Variants in GTF2A2 observed in about 807,000 individuals in gnomAD.
GTF2A2 encodes the protein general transcription factor IIA subunit 2.
A neutral mutation model predicts 14.3 loss-of-function variants in GTF2A2; 9 were observed. The ratio of observed to expected loss-of-function variants is 0.63; its 90% CI spans 0.38 to 1.10. GTF2A2 has a LOEUF of 1.10. GTF2A2 is among the 50% of genes least tolerant of loss of function. GTF2A2 has a pLI of 0.01. For synonymous variants in GTF2A2, 56 were observed against 46.0 expected (o/e 1.22, Z -0.88); for missense variants, 90 against 124.6 (o/e 0.72, Z 1.32).
chr15:59,657,009 T>C (rs1349788036), intron 1 of GTF2A2: 3 of 152,376 alleles, frequency 2.0e-5, no homozygotes, highest in East Asian at 1.9e-4. Context: ...CGAAGAAAGT[T>C]GGAAGGCAGA....
Position 59,641,075 on chromosome 15 carries a change from T to G in GTF2A2, c.304+1061A>C, listed in dbSNP as rs559623086. 7.9e-5 allele frequency among the ~76,000 whole-genome samples: 12 copies of G among 152,208 alleles called. No individual in the cohort carries two copies. In the South Asian group the frequency reaches 2.1e-3, roughly 26 times the overall value. ...TTATATAGCTACTAAAAATCAGGCT[T>G]AAGTGCAGGGGCTCACGCCTGTAAT... On this transcript the variant is annotated intron_variant, in intron 4 of 4. Coordinates refer to ENST00000396060, the MANE Select transcript of GTF2A2 (RefSeq NM_004492.3).
chr15:59,638,191 A>C lies in GTF2A2; in HGVS notation c.*941T>G, dbSNP rs961295987. ...AGTACTGGGATTACTTACAGGTGTG[A>C]GCCACCAGTACCTAGCCAAAGTTAG... On this transcript the variant is annotated 3_prime_UTR_variant, in exon 5 of 5. Transcript: ENST00000396060. 7.2e-5 allele frequency: 11 copies of C among 152,184 alleles called. No homozygotes were observed. Among genetic ancestry groups the C allele is most frequent in the African/African-American group, 2.7e-4 (11 of 41,446 alleles). The allele number at this position is 152,184 out of a possible 1,614,324, so 9.4% of individuals were successfully genotyped here. A position where few individuals can be genotyped will look rare whatever the true frequency, so the allele number is the denominator to read the frequency against.
intron 4 of GTF2A2, among the ~76,000 whole-genome samples, chr15:59,640,952 T>C (rs1891399215): frequency 6.6e-6 from 1 of 152,210 alleles, no homozygotes; most frequent in Non-Finnish European, 1.5e-5. Flanking sequence ...GGTAACCTTC[T>C]GAACTATAAC....
chr15:59,642,183 T>C lies in GTF2A2; in HGVS notation c.257A>G (p.Glu86Gly). The C allele has an allele frequency of 6.2e-7, 1 of 1,610,620 alleles. No homozygotes were observed. Among genetic ancestry groups the C allele is most frequent in the Non-Finnish European group, 8.5e-7 (1 of 1,178,110 alleles). ...LNDVEFREVTELIKVDKVKIV... is the reference protein window; with the variant it reads ...LNDVEFREVTGLIKVDKVKIV... Reference sequence around the variant, plus strand: ...TTTCACTTTATCCACTTTAATAAGTTCTGTCACCTCTCTGAATTCAACATC... The same window carrying C: ...TTTCACTTTATCCACTTTAATAAGTCCTGTCACCTCTCTGAATTCAACATC... The change falls in exon 4 of 5, where the codon GAA becomes GGA. Residue 86 changes from glutamate (E) to glycine (G), a missense_variant. Coordinates refer to ENST00000396060, the MANE Select transcript of GTF2A2 (RefSeq NM_004492.3).
In GTF2A2 at chr15:59,648,193, G is replaced by T. The variant is rs1297294589; in HGVS notation, c.177+2476C>A. 2.6e-5 allele frequency among the ~76,000 whole-genome samples: 4 copies of T among 151,916 alleles called. No individual in the cohort carries two copies. In the South Asian group the frequency reaches 8.3e-4, roughly 32 times the overall value. The stretch of plus-strand genomic sequence containing the variant: ...GGAGGCCGAGGCGGGCGGATCATGA[G>T]GTCAGGAGTTCGAGACCAGCCTGGC... On this transcript the variant is annotated intron_variant, in intron 3 of 4. Coordinates refer to ENST00000396060, the MANE Select transcript of GTF2A2 (RefSeq NM_004492.3).
chr15:59,652,236 A>G lies in GTF2A2; in HGVS notation c.42T>C (p.Ser14=), dbSNP rs1891815387. ...TGAGCTCATCTAGGCTCTCCTGAAG[A>G]CTGTTTCCCAAAGTAGTATTTCTGT... ...QLYRNTTLGN[S]LQESLDELIQ... Residue 14 remains serine (S), a synonymous_variant, in exon 2 of 5, where the codon AGT becomes AGC. Transcript: ENST00000396060. The G allele has an allele frequency of 6.2e-7, 1 of 1,602,922 alleles. No individual in the cohort carries two copies. Among genetic ancestry groups the G allele is most frequent in the Non-Finnish European group, 8.5e-7 (1 of 1,170,756 alleles).
intron 4 of GTF2A2, among the ~76,000 whole-genome samples, chr15:59,641,374 TGGAAA>T (rs1891420809): frequency 2.0e-5 from 3 of 152,144 alleles, no homozygotes; most frequent in Non-Finnish European, 4.4e-5. Flanking sequence ...GCTATTTCTT[TGGAAA>T]TGCAAAATAT....
In GTF2A2 at chr15:59,640,499, G is replaced by A. The variant is rs767409939; in HGVS notation, c.305-1342C>T. Reference sequence around the variant, plus strand: ...GGTAACCACTGGCTAGCCATATGTGGCTAAATTCAAATTAATAAAATTAAA... The same window carrying A: ...GGTAACCACTGGCTAGCCATATGTGACTAAATTCAAATTAATAAAATTAAA... On this transcript the variant is annotated intron_variant, in intron 4 of 4. Transcript: ENST00000396060. 4.6e-5 allele frequency among the ~76,000 whole-genome samples: 7 copies of A among 152,216 alleles called. No individual in the cohort carries two copies. In the East Asian group the frequency reaches 1.2e-3, roughly 25 times the overall value.
At chr15:59,653,265 A>G (rs1163313140) in intron 1 of GTF2A2, among the ~76,000 whole-genome samples, 3 of 152,156 alleles carry the variant, frequency 2.0e-5, no homozygotes, top group Admixed American at 2.0e-4. Flanking sequence ...ATAAATATTT[A>G]CTGAGCTTCC....
chr15:59,649,973 A>G (rs1891741046), intron 3 of GTF2A2, among the ~76,000 whole-genome samples: 1 of 152,226 alleles, frequency 6.6e-6, no homozygotes. Context: ...ATAATACAAT[A>G]TAAACATAAA....
At chr15:59,640,737 CGAG>C (rs1184050568) in intron 4 of GTF2A2, among the ~76,000 whole-genome samples, 1 of 151,984 alleles carries the variant, frequency 6.6e-6, no homozygotes, top group Non-Finnish European at 1.5e-5. Flanking sequence ...ACAAGGGTTA[CGAG>C]GATGCTGTTA....
intron 2 of GTF2A2, chr15:59,651,978 G>A: frequency 4.9e-6 from 2 of 411,932 alleles, no homozygotes; most frequent in Non-Finnish European, 8.7e-6. Context: ...AACACTGCAT[G>A]TACCCAGATT....
In GTF2A2 at chr15:59,642,218, A is replaced by G. The variant is rs1891453055; in HGVS notation, c.222T>C (p.Phe74=). Reference sequence around the variant, plus strand: ...CTCTGAATTCAACATCATTCAGTACAAAAGTCCACACATTATCGCAGAATC... The same window carrying G: ...CTCTGAATTCAACATCATTCAGTACGAAAGTCCACACATTATCGCAGAATC... ...TYRFCDNVWT[F]VLNDVEFREV... Residue 74 remains phenylalanine, a synonymous_variant, in exon 4 of 5, where the codon TTT becomes TTC. Transcript: ENST00000396060. The G allele has an allele frequency of 1.2e-6, 2 of 1,610,878 alleles. No individual in the cohort carries two copies. Among genetic ancestry groups the G allele is most frequent in the Non-Finnish European group, 1.7e-6 (2 of 1,178,274 alleles).
chr15:59,646,062 C>CT (rs1415781702), intron 3 of GTF2A2, among the ~76,000 whole-genome samples: 17 of 148,946 alleles, frequency 1.1e-4, no homozygotes, highest in Admixed American at 4.7e-4. Flanking sequence ...GTGTATATTA[C>CT]TTTTTTTGTT....
At chr15:59,646,360 T>C (rs1360850370) in intron 3 of GTF2A2, among the ~76,000 whole-genome samples, 1 of 152,176 alleles carries the variant, frequency 6.6e-6, no homozygotes, top group Non-Finnish European at 1.5e-5. Context: ...CTTGCCTTAC[T>C]TTCTCTTTTA....
intron 1 of GTF2A2, among the ~76,000 whole-genome samples, chr15:59,655,520 G>C (rs551909618): frequency 1.3e-5 from 2 of 152,294 alleles, no homozygotes; most frequent in South Asian, 4.1e-4. Context: ...TTTTCGGATT[G>C]TCCTAACTCA....
chr15:59,652,093 G>T, intron 2 of GTF2A2, 113 bp downstream of exon 2: 1 of 662,862 alleles, frequency 1.5e-6, no homozygotes, highest in Non-Finnish European at 2.7e-6. Flanking sequence ...CTGACTTGCT[G>T]GGTCAAATAG....
intron 3 of GTF2A2, among the ~76,000 whole-genome samples, chr15:59,642,808 C>T (rs1227974686): frequency 6.6e-6 from 1 of 152,140 alleles, no homozygotes; most frequent in Non-Finnish European, 1.5e-5. Flanking sequence ...TGCTCTGTTG[C>T]CACGCTGGAG....
At chr15:59,645,860 C>A (rs1485302609) in intron 3 of GTF2A2, among the ~76,000 whole-genome samples, 2 of 151,792 alleles carry the variant, frequency 1.3e-5, no homozygotes, top group Non-Finnish European at 2.9e-5. Flanking sequence ...CATAGTGAAA[C>A]CCCGTCTCTA....
Sources: allele counts gnomAD v4.1 joint callset (sites outside exome capture counted in the v4.1 genomes callset), GRCh38; gene constraint gnomAD v4.1.1; transcripts MANE v1.5; gene names NCBI Gene and HGNC (gene_info 2026-07-23, HGNC 2026-07-21).